Variants in CSTPP1 observed in about 807,000 individuals in gnomAD.
The protein encoded by CSTPP1 is centriolar satellite-associated tubulin polyglutamylase complex regulator 1.
the CSTPP1 span, among the ~76,000 whole-genome samples, chr11:47,075,695 G>T: frequency 2.0e-5 from 3 of 152,022 alleles, no homozygotes; most frequent in Non-Finnish European, 2.9e-5. Flanking sequence ...GAGGCAGACA[G>T]ATCACCTGAG....
the CSTPP1 span, among the ~76,000 whole-genome samples, chr11:47,087,134 G>A: frequency 6.6e-6 from 1 of 152,082 alleles, no homozygotes; most frequent in Non-Finnish European, 1.5e-5. Context: ...GTGTAAATCT[G>A]GACTATGTAC....
the CSTPP1 span, chr11:47,161,112 C>A: frequency 6.2e-7 from 1 of 1,614,078 alleles, no homozygotes; most frequent in Non-Finnish European, 8.5e-7. Flanking sequence ...TACTGTGCCC[C>A]CAATGATCTC....
At chr11:47,104,665 C>T in the CSTPP1 span, among the ~76,000 whole-genome samples, 2 of 152,140 alleles carry the variant, frequency 1.3e-5, no homozygotes, top group Non-Finnish European at 2.9e-5. Flanking sequence ...ATGAGGTTAA[C>T]GAGCTGCAGC....
At chr11:46,955,396 G>T in the CSTPP1 span, among the ~76,000 whole-genome samples, 8 of 137,074 alleles carry the variant, frequency 5.8e-5, no homozygotes, top group South Asian at 1.0e-3. Context: ...ACAGGGTCTT[G>T]CTCTGTAACC....
At chr11:47,162,067 C>T in the CSTPP1 span, 20 of 988,898 alleles carry the variant, frequency 2.0e-5, no homozygotes, top group East Asian at 1.1e-4. Flanking sequence ...ACACCTGCGA[C>T]GCAAGTACCA....
chr11:47,083,820 T>C, the CSTPP1 span, among the ~76,000 whole-genome samples: 10 of 152,266 alleles, frequency 6.6e-5, no homozygotes. Flanking sequence ...TTCCGTTGTA[T>C]GAATATAGCA....
the CSTPP1 span, among the ~76,000 whole-genome samples, chr11:46,944,242 C>T: frequency 6.7e-6 from 1 of 148,176 alleles, no homozygotes; most frequent in East Asian, 2.0e-4. Context: ...TGCTTGAACC[C>T]GGGAGGAGGA....
At chr11:46,956,693 A>AAATATTTTTAAAATAT in the CSTPP1 span, among the ~76,000 whole-genome samples, 2 of 151,970 alleles carry the variant, frequency 1.3e-5, no homozygotes, top group Non-Finnish European at 2.9e-5. Flanking sequence ...TTTGCTGTGT[A>AAATATTTTTAAAATAT]CTTTAAAATA....
At chr11:47,136,716 A>C in the CSTPP1 span, among the ~76,000 whole-genome samples, 3 of 152,040 alleles carry the variant, frequency 2.0e-5, no homozygotes, top group African/African-American at 7.2e-5. Context: ...CCTCTCACTC[A>C]TCCTCCTCCC....
chr11:46,973,780 A>ATGTGTGTGTGTGTGTG, the CSTPP1 span, among the ~76,000 whole-genome samples: 44 of 150,704 alleles, frequency 2.9e-4, no homozygotes, highest in African/African-American at 6.6e-4. Flanking sequence ...TGGAGGGTGT[A>ATGTGTGTGTGTGTGTG]TGTGTGTGTG....
the CSTPP1 span, chr11:47,052,514 T>C: frequency 2.5e-6 from 4 of 1,613,352 alleles, no homozygotes; most frequent in Non-Finnish European, 2.5e-6. Flanking sequence ...TGGGCAAAAA[T>C]GGCGGTAAGT....
At chr11:47,079,880 G>A in the CSTPP1 span, among the ~76,000 whole-genome samples, 1 of 150,284 alleles carries the variant, frequency 6.7e-6, no homozygotes, top group Non-Finnish European at 1.5e-5. Flanking sequence ...GATCACTTGA[G>A]GTCAGGAGTT....
At chr11:47,033,902 C>G in the CSTPP1 span, among the ~76,000 whole-genome samples, 1 of 151,958 alleles carries the variant, frequency 6.6e-6, no homozygotes, top group Non-Finnish European at 1.5e-5. Flanking sequence ...ATTTTGATAC[C>G]TTTGGTGTTG....
chr11:46,976,397 A>T, the CSTPP1 span, among the ~76,000 whole-genome samples: 3 of 22,048 alleles, frequency 1.4e-4, no homozygotes, highest in South Asian at 2.1e-3. Context: ...TTTCAGTCAC[A>T]CACACACACA....
the CSTPP1 span, among the ~76,000 whole-genome samples, chr11:47,103,336 G>A: frequency 6.6e-6 from 1 of 151,006 alleles, no homozygotes; most frequent in Non-Finnish European, 1.5e-5. Flanking sequence ...GGAGGTGGGG[G>A]TTGCAGTGAG....
At chr11:47,114,065 T>G in the CSTPP1 span, among the ~76,000 whole-genome samples, 4 of 152,254 alleles carry the variant, frequency 2.6e-5, no homozygotes, top group African/African-American at 7.2e-5. Flanking sequence ...TTTCTACATA[T>G]GGCTAGCCAG....
At chr11:47,030,893 G>A in the CSTPP1 span, among the ~76,000 whole-genome samples, 4 of 152,146 alleles carry the variant, frequency 2.6e-5, no homozygotes, top group African/African-American at 7.2e-5. Flanking sequence ...TAGTGTGTAT[G>A]TACCACATTT....
chr11:47,037,904 C>T, the CSTPP1 span, among the ~76,000 whole-genome samples: 2 of 128,088 alleles, frequency 1.6e-5, no homozygotes, highest in African/African-American at 4.9e-5. Flanking sequence ...CTGTTGGGTA[C>T]ACCTCCCAGA....
chr11:46,987,852 A>G, the CSTPP1 span: 1 of 153,498 alleles, frequency 6.5e-6, no homozygotes, highest in East Asian at 1.9e-4. Flanking sequence ...AAGGAGCTCA[A>G]ATATCTCTAT....
Sources: allele counts gnomAD v4.1 joint callset (sites outside exome capture counted in the v4.1 genomes callset), GRCh38; gene constraint gnomAD v4.1.1; transcripts MANE v1.5; gene names NCBI Gene and HGNC (gene_info 2026-07-23, HGNC 2026-07-21).